PDZD2: variants seen among roughly 807,000 people sequenced by gnomAD.
PDZD2 encodes the protein PDZ domain containing 2.
In PDZD2, 90 loss-of-function variants were observed where a neutral mutation model predicts 220.7. The ratio of observed to expected loss-of-function variants is 0.41; its 90% CI spans 0.34 to 0.49. PDZD2 has a LOEUF of 0.49. Among genes scored for constraint, PDZD2 ranks in the 20% least tolerant of loss-of-function variants. The pLI is 0.28. For synonymous variants in PDZD2, 1,375 were observed against 1,450.5 expected, an observed-to-expected ratio of 0.95 and a Z score of 1.18; for missense variants, 3,174 against 3,608.5, an observed-to-expected ratio of 0.88 and a Z score of 3.08.
At chr5:31,989,997 T>C (rs374130641) in intron 3 of PDZD2, among the ~76,000 whole-genome samples, 3 of 152,210 alleles carry the variant, frequency 2.0e-5, no homozygotes, top group African/African-American at 7.2e-5. Flanking sequence ...TTCTCACCTA[T>C]AAACTGAGCA....
At chr5:31,795,101 C>T (rs1429904665) in intron 1 of PDZD2, among the ~76,000 whole-genome samples, 1 of 152,156 alleles carries the variant, frequency 6.6e-6, no homozygotes, top group East Asian at 1.9e-4. Context: ...TCCTCACATC[C>T]CTGCCTGGAG....
intron 2 of PDZD2, among the ~76,000 whole-genome samples, chr5:31,857,810 C>T (rs544322216): frequency 1.3e-5 from 2 of 151,944 alleles, no homozygotes; most frequent in African/African-American, 4.8e-5. Context: ...TTGTTGGTTT[C>T]GTGTGTGTGT....
chr5:32,061,834 CTATT>C lies in PDZD2; in HGVS notation c.2451+703_2451+706del, dbSNP rs748535578. Among the ~76,000 whole-genome samples, 112 of 152,126 alleles carry C rather than the reference CTATT, an allele frequency of 7.4e-4. 1 individual carries two copies. The highest frequency in any genetic ancestry group is 1.0e-3 in the South Asian group (5 of 4,824). On this transcript the variant is annotated intron_variant, in intron 14 of 24. Transcript: ENST00000438447. ...TTGTTCATAATAGTTGGAAAGAAAA[CTATT>C]TAGAATTTAACTTAAACTTGGGTAA...
intron 1 of PDZD2, among the ~76,000 whole-genome samples, chr5:31,782,389 T>C (rs1196750533): frequency 6.6e-6 from 1 of 152,190 alleles, no homozygotes; most frequent in Non-Finnish European, 1.5e-5. Context: ...CATTCTTATT[T>C]GCTGAATCTT....
chr5:32,042,342 A>G (rs1581359196), intron 7 of PDZD2, among the ~76,000 whole-genome samples: 1 of 150,816 alleles, frequency 6.6e-6, no homozygotes, highest in African/African-American at 2.4e-5. Context: ...CGGGTGGATC[A>G]CCTGAGGTCA....
chr5:31,651,130 G>A (rs1745333011), intron 1 of PDZD2, among the ~76,000 whole-genome samples: 1 of 20,478 alleles, frequency 4.9e-5, no homozygotes, highest in Non-Finnish European at 3.0e-4. Flanking sequence ...CATCCCGTAA[G>A]TAAACTTGGA....
chr5:31,844,666 A>T (rs535108165), intron 2 of PDZD2, among the ~76,000 whole-genome samples: 1 of 152,200 alleles, frequency 6.6e-6, no homozygotes, highest in African/African-American at 2.4e-5. Context: ...CAGTGTTAGT[A>T]TAAACCTGTG....
Position 31,850,243 on chromosome 5 carries a change from TAC to T in PDZD2, c.476+50537_476+50538del, listed in dbSNP as rs1554082942. ...ATATATAAGTATATATATATATATATACACACACACACACACACATATATATA... is the reference window on the plus strand; with the variant it reads ...ATATATAAGTATATATATATATATATACACACACACACACACATATATATA... On this transcript the variant is annotated intron_variant, in intron 2 of 24. Coordinates refer to ENST00000438447, the MANE Select transcript of PDZD2 (RefSeq NM_178140.4). Among the ~76,000 whole-genome samples, 331 of 122,198 alleles carry T rather than the reference TAC, an allele frequency of 2.7e-3. 2 individuals are homozygous for T. Among genetic ancestry groups the T allele is most frequent in the African/African-American group, 9.1e-3 (301 of 33,200 alleles). 80.2% of individuals were successfully genotyped at this position (122,198 alleles called of 152,430 possible). A position where few individuals can be genotyped will look rare whatever the true frequency, so the allele number is the denominator to read the frequency against.
At chr5:31,881,328 G>GTGTGTT (rs1349754872) in intron 2 of PDZD2, among the ~76,000 whole-genome samples, 1 of 18,736 alleles carries the variant, frequency 5.3e-5, no homozygotes, top group Non-Finnish European at 1.3e-4. Flanking sequence ...CCATATATAT[G>GTGTGTT]TGTGTGTGTG....
intron 1 of PDZD2, among the ~76,000 whole-genome samples, chr5:31,789,251 C>G (rs10755251): frequency 0.067 from 10,229 of 152,216 alleles, 1,115 homozygotes; most frequent in East Asian, 0.52. Flanking sequence ...ATGCCTCTCC[C>G]AAAAACTTCA....
intron 1 of PDZD2, among the ~76,000 whole-genome samples, chr5:31,649,467 C>T (rs1182647085): frequency 1.3e-5 from 2 of 151,844 alleles, no homozygotes; most frequent in African/African-American, 2.4e-5. Context: ...CCCCCAGGTA[C>T]TCTATCACAT....
In PDZD2 at chr5:32,038,519, G is replaced by A. The variant is rs190169352; in HGVS notation, c.1519+1177G>A. 2.4e-4 allele frequency among the ~76,000 whole-genome samples: 36 copies of A among 152,098 alleles called. No individual in the cohort carries two copies. The East Asian group carries it at 5.2e-3, about 22-fold the overall frequency. The stretch of plus-strand genomic sequence containing the variant: ...ACCACTGTACTCCAGCCTGGCAACA[G>A]AGCAAGACTCCTCTCAAAATAACAA... On this transcript the variant is annotated intron_variant, in intron 7 of 24. Transcript: ENST00000438447.
At chr5:31,951,533 C>T (rs1405352129) in intron 2 of PDZD2, among the ~76,000 whole-genome samples, 1 of 152,174 alleles carries the variant, frequency 6.6e-6, no homozygotes, top group African/African-American at 2.4e-5. Flanking sequence ...CAGAATCATA[C>T]AGTTTGTAGC....
rs950438124 is a variant in PDZD2 at position 32,110,801 on chromosome 5, G to A, written c.*2666G>A. On this transcript the variant is annotated 3_prime_UTR_variant, in exon 25 of 25. Coordinates refer to ENST00000438447, the MANE Select transcript of PDZD2 (RefSeq NM_178140.4). The stretch of plus-strand genomic sequence containing the variant: ...AAAGTAAAATGCCTTATATATTAAA[G>A]AGTAAGTGCAATAATATGAAATAGC... The A allele has an allele frequency of 1.3e-5, 2 of 152,428 alleles. No individual in the cohort carries two copies. The highest frequency in any genetic ancestry group is 1.3e-4 in the Admixed American group (2 of 15,252). The allele number at this position is 152,428 out of a possible 1,614,324, so 9.4% of individuals were successfully genotyped here.
At position 31,799,332 on chromosome 5, in the gene PDZD2, T is replaced by C. The variant is rs2150229506; in HGVS notation, c.84T>C (p.Asp28=). Reference sequence around the variant, plus strand: ...AGAACAGCCTGCAGGAAGGTGGGGATGGGCCGGAGCAGCGGCTCTGCCAGG... The same window carrying C: ...AGAACAGCCTGCAGGAAGGTGGGGACGGGCCGGAGCAGCGGCTCTGCCAGG... ...WLQNSLQEGG[D]GPEQRLCQAA... is the part of the protein sequence containing the mutation. Residue 28 remains aspartate, a synonymous_variant, in exon 2 of 25, where the codon GAT becomes GAC. Coordinates refer to ENST00000438447, the MANE Select transcript of PDZD2 (RefSeq NM_178140.4). The C allele has an allele frequency of 6.2e-7, 1 of 1,614,178 alleles. No individual in the cohort carries two copies. Among genetic ancestry groups the C allele is most frequent in the Non-Finnish European group, 8.5e-7 (1 of 1,180,008 alleles).
chr5:32,063,842 T>A (rs182947133), intron 14 of PDZD2, among the ~76,000 whole-genome samples: 1 of 152,330 alleles, frequency 6.6e-6, no homozygotes. Context: ...TCTCAGTCAT[T>A]CATGACCCCA....
intron 2 of PDZD2, among the ~76,000 whole-genome samples, chr5:31,912,202 A>G (rs1211929296): frequency 2.0e-5 from 3 of 152,222 alleles, no homozygotes; most frequent in African/African-American, 7.2e-5. Context: ...AGATCCAGGT[A>G]TTAGCTGATT....
intron 6 of PDZD2, among the ~76,000 whole-genome samples, chr5:32,018,181 G>T (rs1320866078): frequency 1.3e-5 from 2 of 152,236 alleles, no homozygotes; most frequent in Non-Finnish European, 2.9e-5. Flanking sequence ...CCACACTCCT[G>T]CATCCGGCTC....
At chr5:31,890,250 A>G (rs1740905294) in intron 2 of PDZD2, among the ~76,000 whole-genome samples, 1 of 150,750 alleles carries the variant, frequency 6.6e-6, no homozygotes, top group South Asian at 2.1e-4. Flanking sequence ...CCAATACGGC[A>G]GCCACTAGCC....
Sources: allele counts gnomAD v4.1 joint callset (sites outside exome capture counted in the v4.1 genomes callset), GRCh38; gene constraint gnomAD v4.1.1; transcripts MANE v1.5; gene names NCBI Gene and HGNC (gene_info 2026-07-23, HGNC 2026-07-21).